AP4E1: variants seen among roughly 807,000 people sequenced by gnomAD.
AP4E1 encodes adaptor related protein complex 4 subunit epsilon 1.
In AP4E1, 56 loss-of-function variants were observed where a neutral mutation model predicts 128.2. The ratio of observed to expected loss-of-function variants is 0.44; its 90% CI spans 0.35 to 0.55. The LOEUF is 0.55. Ranked by LOEUF, AP4E1 falls within the 20% of genes least tolerant of loss-of-function variation. The pLI, the probability that AP4E1 is intolerant of heterozygous loss-of-function variation, is 0.00. For missense variants in AP4E1, 1,324 were observed against 1,307.7 expected, an observed-to-expected ratio of 1.01 and a Z score of -0.19; for synonymous variants, 484 against 473.1, an observed-to-expected ratio of 1.02 and a Z score of -0.30.
chr15:50,935,631 A>G (rs1242342699), intron 8 of AP4E1, among the ~76,000 whole-genome samples: 1 of 152,160 alleles, frequency 6.6e-6, no homozygotes, highest in Admixed American at 6.5e-5. Flanking sequence ...CTCAAATGAG[A>G]AGTCATTTCT....
intron 16 of AP4E1, among the ~76,000 whole-genome samples, chr15:50,991,403 G>T (rs2064805315): frequency 6.6e-6 from 1 of 152,088 alleles, no homozygotes; most frequent in East Asian, 1.9e-4. Flanking sequence ...ACTATTGTGG[G>T]TATTCATGAA....
At chr15:50,940,917 A>G (rs973662306) in intron 8 of AP4E1, among the ~76,000 whole-genome samples, 3 of 152,212 alleles carry the variant, frequency 2.0e-5, no homozygotes, top group African/African-American at 7.2e-5. Context: ...TATCTTTGAA[A>G]TAAATACTGG....
Position 50,930,961 on chromosome 15 carries a change from G to A in AP4E1, c.859G>A (p.Asp287Asn). The A allele has an allele frequency of 6.2e-7, 1 of 1,614,044 alleles. No homozygotes were observed. The highest frequency in any genetic ancestry group is 2.2e-5 in the East Asian group (1 of 44,852). Reference sequence around the variant, plus strand: ...GAGAATACTGGGACTTCTAGGAAAAGATGATCAAAGGTAAACTATTTTCAG... The same window carrying A: ...GAGAATACTGGGACTTCTAGGAAAAAATGATCAAAGGTAAACTATTTTCAG... ...LLRILGLLGK[D>N]DQRTSELMYD... Residue 287 changes from aspartate (D) to asparagine (N), a missense_variant, in exon 7 of 21, where the codon GAT becomes AAT. Transcript: ENST00000261842.
intron 14 of AP4E1, among the ~76,000 whole-genome samples, chr15:50,965,440 C>A (rs190491371): frequency 1.4e-4 from 21 of 152,332 alleles, no homozygotes; most frequent in Non-Finnish European, 2.8e-4. Flanking sequence ...GTGGTGGCAG[C>A]AGTGGGGTGC....
At chr15:50,953,434 A>C (rs2064178019) in intron 13 of AP4E1, among the ~76,000 whole-genome samples, 2 of 152,206 alleles carry the variant, frequency 1.3e-5, no homozygotes, top group African/African-American at 2.4e-5. Context: ...ACAATTTATA[A>C]GTTTTAAATT....
intron 10 of AP4E1, among the ~76,000 whole-genome samples, chr15:50,943,555 A>T (rs1596473740): frequency 6.6e-6 from 1 of 152,218 alleles, no homozygotes; most frequent in African/African-American, 2.4e-5. Context: ...AAATAATTAT[A>T]CAGCCGTTCT....
intron 13 of AP4E1, among the ~76,000 whole-genome samples, chr15:50,954,091 T>C (rs2064185689): frequency 5.3e-5 from 8 of 152,210 alleles, no homozygotes; most frequent in Admixed American, 5.2e-4. Context: ...AGATTTTGTA[T>C]TTCGATCTTG....
intron 10 of AP4E1, chr15:50,944,878 C>T: frequency 1.2e-6 from 1 of 810,366 alleles, no homozygotes; most frequent in Non-Finnish European, 2.1e-6. Flanking sequence ...AGTTGCTTGG[C>T]AAAGCATCCA....
chr15:50,943,656 A>C (rs1596473789), intron 10 of AP4E1, among the ~76,000 whole-genome samples: 1 of 152,154 alleles, frequency 6.6e-6, no homozygotes, highest in South Asian at 2.1e-4. Context: ...TCTTATTGCT[A>C]TTTGGTAGTC....
At chr15:50,923,809 A>G (rs1420164666) in intron 3 of AP4E1, 122 bp from the exon 4 acceptor site, 4 of 732,710 alleles carry the variant, frequency 5.5e-6, no homozygotes, top group Non-Finnish European at 9.5e-6. Context: ...ATATTTTGCA[A>G]TTTGTGTTTC....
intron 15 of AP4E1, 114 bp from the exon 16 acceptor site, chr15:50,983,908 G>A (rs1057010339): frequency 1.2e-5 from 13 of 1,041,692 alleles, no homozygotes; most frequent in Admixed American, 2.0e-5. Context: ...GTCCTTTAGA[G>A]TTTAAAAATG....
At chr15:50,911,467 T>G (rs1360983919) in intron 1 of AP4E1, among the ~76,000 whole-genome samples, 1 of 148,918 alleles carries the variant, frequency 6.7e-6, no homozygotes, top group Non-Finnish European at 1.5e-5. Flanking sequence ...TTCTACTCTC[T>G]CTCCACCTTT....
At chr15:50,972,436 T>C (rs1472398689) in intron 15 of AP4E1, among the ~76,000 whole-genome samples, 4 of 152,172 alleles carry the variant, frequency 2.6e-5, no homozygotes, top group Non-Finnish European at 4.4e-5. Context: ...GGTCTCAAAC[T>C]CCTGACCTCA....
At chr15:50,960,642 G>A (rs2064299868) in intron 14 of AP4E1, among the ~76,000 whole-genome samples, 1 of 151,844 alleles carries the variant, frequency 6.6e-6, no homozygotes. Flanking sequence ...GTGCTAAGAG[G>A]GAAGTTTATA....
At chr15:50,967,830 T>G (rs1223922850) in intron 14 of AP4E1, among the ~76,000 whole-genome samples, 1 of 152,216 alleles carries the variant, frequency 6.6e-6, no homozygotes, top group Non-Finnish European at 1.5e-5. Flanking sequence ...ATTCATTTTT[T>G]GAGACAGAAT....
In AP4E1 at chr15:50,911,986, A is replaced by C. The variant is rs1384011240; in HGVS notation, c.151-92A>C. ...AAAATAATGTTTCTTTTAAATTAAAAGTATTGTAAATTATATTTTTCCGTT... is the reference window on the plus strand; with the variant it reads ...AAAATAATGTTTCTTTTAAATTAAACGTATTGTAAATTATATTTTTCCGTT... On this transcript the variant is annotated intron_variant, in intron 1 of 20. Transcript: ENST00000261842. 4.1e-6 allele frequency: 4 copies of C among 966,438 alleles called. No homozygotes were observed. In the South Asian group the frequency reaches 5.6e-5, roughly 14 times the overall value. 59.9% of individuals were successfully genotyped at this position (966,438 alleles called of 1,614,324 possible).
chr15:50,951,209 G>A (rs752228774), intron 13 of AP4E1, among the ~76,000 whole-genome samples: 12 of 152,236 alleles, frequency 7.9e-5, no homozygotes, highest in Non-Finnish European at 1.2e-4. Flanking sequence ...TAGGGCTACT[G>A]TCTCACCTGA....
At chr15:50,931,488 C>T (rs1372827378) in intron 7 of AP4E1, among the ~76,000 whole-genome samples, 1 of 152,112 alleles carries the variant, frequency 6.6e-6, no homozygotes, top group Non-Finnish European at 1.5e-5. Context: ...ATCACTTGAA[C>T]CCAGGAGGTG....
intron 14 of AP4E1, among the ~76,000 whole-genome samples, chr15:50,966,118 A>G (rs28366661): frequency 0.15 from 22,653 of 151,990 alleles, 1,815 homozygotes; most frequent in South Asian, 0.19. Context: ...ACAGGGTGTC[A>G]CCATATTGGC....
Sources: allele counts gnomAD v4.1 joint callset (sites outside exome capture counted in the v4.1 genomes callset), GRCh38; gene constraint gnomAD v4.1.1; transcripts MANE v1.5; gene names NCBI Gene and HGNC (gene_info 2026-07-23, HGNC 2026-07-21).